The following ACLY variants were observed in gnomAD, a reference collection of about 807,000 sequenced individuals.
The protein encoded by ACLY is ATP citrate lyase, also known as ATP-citrate synthase.
A neutral mutation model predicts 133.0 loss-of-function variants in ACLY; 41 were observed. The ratio of observed to expected loss-of-function variants is 0.31; its 90% CI spans 0.24 to 0.40. The LOEUF (loss-of-function observed/expected upper bound fraction) is 0.40, where lower values mean the gene tolerates loss of function less well. Ranked by LOEUF, ACLY falls within the 10% of genes least tolerant of loss-of-function variation. The pLI, the probability that ACLY is intolerant of heterozygous loss-of-function variation, is 1.00. For missense variants in ACLY, 1,046 were observed against 1,453.8 expected (o/e 0.72, Z 4.56); for synonymous variants, 495 against 549.3 (o/e 0.90, Z 1.38).
intron 2 of ACLY, 96 bp downstream of exon 2, chr17:41,913,618 AC>A: frequency 1.5e-6 from 2 of 1,354,254 alleles, no homozygotes; most frequent in Non-Finnish European, 2.0e-6. Flanking sequence ...GCAGCCTCCA[AC>A]CCCATGACCC....
intron 20 of ACLY, 74 bp from the exon 21 acceptor site, chr17:41,878,998 A>C: frequency 1.3e-6 from 2 of 1,559,992 alleles, no homozygotes; most frequent in Admixed American, 1.7e-5. Flanking sequence ...AAAGTGTGCT[A>C]AACACTTTAC....
At chr17:41,877,287 C>T (rs1282277299) in intron 22 of ACLY, among the ~76,000 whole-genome samples, 23 of 151,860 alleles carry the variant, frequency 1.5e-4, no homozygotes, top group Admixed American at 1.5e-3. Flanking sequence ...ATTACAGGAG[C>T]CCACCACCGC....
At chr17:41,929,039 GC>G (rs2050277835) in intron 1 of ACLY, among the ~76,000 whole-genome samples, 3 of 150,958 alleles carry the variant, frequency 2.0e-5, no homozygotes. Flanking sequence ...ACCTGTTGCT[GC>G]TCCTTAAACA....
rs781910710 is a variant in ACLY, at chr17:41,883,247, G to A, written c.2155-15C>T. 6.2e-7 allele frequency: 1 copy of A among 1,611,242 alleles called. No homozygotes were observed. Among genetic ancestry groups the A allele is most frequent in the South Asian group, 1.1e-5 (1 of 91,010 alleles). ...GTGCCCCCAATCTGCCAAGGAATGG[G>A]GAATGAGAAAAAGCCAAGTTAGTGC... is the stretch of plus-strand genomic sequence containing the variant. On this transcript the variant is annotated splice_polypyrimidine_tract_variant and intron_variant, in intron 19 of 28. Coordinates refer to ENST00000352035, the MANE Select transcript of ACLY (RefSeq NM_001096.3).
intron 1 of ACLY, among the ~76,000 whole-genome samples, chr17:41,925,512 G>A (rs2050232817): frequency 6.6e-6 from 1 of 151,748 alleles, no homozygotes; most frequent in South Asian, 2.1e-4. Context: ...TGGGGAGGCT[G>A]AGGTGGGAGG....
intron 14 of ACLY, 76 bp from the exon 15 acceptor site, chr17:41,893,250 C>T: frequency 1.3e-6 from 2 of 1,498,420 alleles, no homozygotes; most frequent in East Asian, 2.4e-5. Context: ...GGCTGCCTGA[C>T]AGACCCCTCC....
At position 41,868,757 on chromosome 17, in the gene ACLY, C is replaced by T. The variant is rs1375841047; in HGVS notation, c.3163G>A (p.Gly1055Arg). Residue 1055 changes from glycine (G) to arginine (R), a missense_variant, in exon 28 of 29, where the codon GGA becomes AGA. This residue lies in a region of ACLY where 205 missense variants were observed against 373.3 expected (regional missense o/e 0.55). Transcript: ENST00000352035. ...AGCACAAAGATGCCATTGAGGGCTC[C>T]AATGTCAATATATTCATCAGCTTCC... The part of the protein sequence containing the change: ...REEADEYIDI[G>R]ALNGIFVLGR... 2.5e-6 allele frequency: 4 copies of T among 1,613,722 alleles called. No individual in the cohort carries two copies. The highest frequency in any genetic ancestry group is 3.4e-6 in the Non-Finnish European group (4 of 1,180,002).
chr17:41,877,447 T>C (rs1054578370), intron 22 of ACLY, among the ~76,000 whole-genome samples: 2 of 150,888 alleles, frequency 1.3e-5, no homozygotes, highest in Admixed American at 1.3e-4. Context: ...CCAGCCCTTT[T>C]TTTTTTTTTT....
chr17:41,869,791 C>T (rs2048553807), intron 25 of ACLY, among the ~76,000 whole-genome samples: 1 of 152,138 alleles, frequency 6.6e-6, no homozygotes, highest in Non-Finnish European at 1.5e-5. Context: ...AATTGGGACA[C>T]AAAACAACCT....
At chr17:41,923,169 C>T (rs2050202533), upstream of ACLY, among the ~76,000 whole-genome samples, 1 of 152,254 alleles carries the variant, frequency 6.6e-6, no homozygotes, top group African/African-American at 2.4e-5. Flanking sequence ...CCCATCTCTA[C>T]AAAAAATAAA....
intron 1 of ACLY, among the ~76,000 whole-genome samples, chr17:41,928,452 T>G (rs4621022): frequency 0.88 from 134,260 of 152,076 alleles, 59,648 homozygotes; most frequent in East Asian, 1. Flanking sequence ...ATCACAGAAT[T>G]TAAGTTCTCT....
chr17:41,894,546 AC>A (rs552045214), intron 14 of ACLY, among the ~76,000 whole-genome samples: 1 of 149,596 alleles, frequency 6.7e-6, no homozygotes, highest in African/African-American at 2.5e-5. Context: ...GCATAGTGAG[AC>A]CCCACCTCAA....
chr17:41,874,454 G>A (rs2048677982), intron 22 of ACLY, among the ~76,000 whole-genome samples: 1 of 152,076 alleles, frequency 6.6e-6, no homozygotes, highest in African/African-American at 2.4e-5. Context: ...AAATTTTTTT[G>A]TAGAGACAGG....
At chr17:41,894,508 GCC>G (rs1231567069) in intron 14 of ACLY, among the ~76,000 whole-genome samples, 1 of 150,280 alleles carries the variant, frequency 6.7e-6, no homozygotes, top group Non-Finnish European at 1.5e-5. Flanking sequence ...GATCACTTGA[GCC>G]CAGGAATTCG....
chr17:41,888,216 C>A (rs2049106105), intron 16 of ACLY, among the ~76,000 whole-genome samples: 1 of 152,212 alleles, frequency 6.6e-6, no homozygotes, highest in Non-Finnish European at 1.5e-5. Flanking sequence ...CTCTAACCAT[C>A]TCCTGAAAAC....
intron 10 of ACLY, chr17:41,904,296 G>A (rs1375064930): frequency 7.5e-6 from 1 of 132,652 alleles, no homozygotes; most frequent in Non-Finnish European, 1.6e-5. Context: ...AGGAAAGGGA[G>A]GGAGGAAAGA....
rs782146875 is a variant in ACLY, at chr17:41,906,579, T to C, written c.815A>G (p.Lys272Arg). 18 of 1,614,028 alleles carry C rather than the reference T, an allele frequency of 1.1e-5. No individual in the cohort carries two copies. Among genetic ancestry groups the C allele is most frequent in the African/African-American group, 1.3e-5 (1 of 74,922 alleles). ...ASLKLTLLNP[K>R]GRIWTMVAGG... ...GGCCACCATGGTCCAGATCCTCCCT[T>C]TGGGGTTCAGCAAGGTCAGCTTCAG... Residue 272 changes from lysine to arginine, a missense_variant, in exon 8 of 29, where the codon AAA becomes AGA. By Grantham distance (26) the Lys-to-Arg change is conservative (BLOSUM62 2). This residue lies in a region of ACLY where 575 missense variants were observed against 804.2 expected (regional missense o/e 0.71). Transcript: ENST00000352035.
intron 10 of ACLY, 26 bp from the exon 11 acceptor site, chr17:41,901,839 T>C: frequency 1.3e-6 from 2 of 1,511,124 alleles, no homozygotes; most frequent in African/African-American, 2.8e-5. Flanking sequence ...GACATGTGAC[T>C]AAAAACAAGG....
At chr17:41,921,094 C>G (rs2050176117), upstream of ACLY, among the ~76,000 whole-genome samples, 1 of 147,276 alleles carries the variant, frequency 6.8e-6, no homozygotes, top group Non-Finnish European at 1.5e-5. Flanking sequence ...CCAGTGCACT[C>G]TAGCGGGGGC....
Sources: allele counts gnomAD v4.1 joint callset (sites outside exome capture counted in the v4.1 genomes callset), GRCh38; gene constraint gnomAD v4.1.1; regional missense constraint gnomAD v4.1.1; transcripts MANE v1.5; gene names NCBI Gene and HGNC (gene_info 2026-07-23, HGNC 2026-07-21).